Variants in MRTFA observed in about 807,000 individuals in gnomAD.
The protein encoded by MRTFA is myocardin related transcription factor A.
Under a neutral mutation model 83.5 loss-of-function variants are expected in MRTFA, and 20 were observed. That is an observed-to-expected ratio of 0.24 (90% CI 0.17 to 0.35). The LOEUF (loss-of-function observed/expected upper bound fraction) is 0.35, where lower values mean the gene tolerates loss of function less well. MRTFA is among the 10% of genes least tolerant of loss of function. MRTFA has a pLI of 1.00. For missense variants in MRTFA, 1,200 were observed against 1,224.7 expected (o/e 0.98, Z 0.30); for synonymous variants, 659 against 541.2 (o/e 1.22, Z -3.02).
chr22:40,411,612 C>CG lies in MRTFA; in HGVS notation c.2873dup (p.Ser959ValfsTer13). 1.9e-6 allele frequency: 3 copies of CG among 1,613,596 alleles called. No individual in the cohort carries two copies. Among genetic ancestry groups the CG allele is most frequent in the Non-Finnish European group, 2.5e-6 (3 of 1,179,964 alleles). ...GCAATTCCGAGGTGTCCATGGGTGACGGGGGGTGGTCCAGGATGGCAGTGC... is the reference window on the plus strand; with the variant it reads ...GCAATTCCGAGGTGTCCATGGGTGACGGGGGGGTGGTCCAGGATGGCAGTGC... On this transcript the variant is annotated frameshift_variant, in exon 15 of 15. Transcript: ENST00000355630. LOFTEE classifies it high-confidence loss of function.
At chr22:40,539,794 G>A (rs2055257277) in intron 3 of MRTFA, among the ~76,000 whole-genome samples, 1 of 151,518 alleles carries the variant, frequency 6.6e-6, no homozygotes, top group Non-Finnish European at 1.5e-5. Context: ...GAGCCACCGC[G>A]CCCAGCCGAC....
At chr22:40,528,669 G>A (rs1370952202) in intron 3 of MRTFA, among the ~76,000 whole-genome samples, 4 of 151,446 alleles carry the variant, frequency 2.6e-5, no homozygotes, top group Non-Finnish European at 5.9e-5. Context: ...CTCGGGAGGT[G>A]GAGGCTGCGG....
At chr22:40,490,783 T>C (rs2054260192) in intron 3 of MRTFA, among the ~76,000 whole-genome samples, 1 of 152,144 alleles carries the variant, frequency 6.6e-6, no homozygotes. Flanking sequence ...GTCTAAGTGT[T>C]TAGAAAAGTA....
intron 3 of MRTFA, among the ~76,000 whole-genome samples, chr22:40,538,990 G>T (rs5757995): frequency 0.76 from 91,857 of 121,150 alleles, 35,279 homozygotes; most frequent in East Asian, 0.89. Context: ...ACAGCCTTTT[G>T]TTTTTTTTTT....
intron 2 of MRTFA, among the ~76,000 whole-genome samples, chr22:40,566,316 G>A (rs573800149): frequency 6.6e-6 from 1 of 151,950 alleles, no homozygotes; most frequent in Non-Finnish European, 1.5e-5. Context: ...CACCTCTTGG[G>A]TTCAAGCAAT....
intron 2 of MRTFA, among the ~76,000 whole-genome samples, chr22:40,559,412 G>A (rs542559515): frequency 3.5e-4 from 53 of 152,134 alleles, no homozygotes; most frequent in African/African-American, 1.3e-3. Context: ...GTGTTTCTTA[G>A]AACACATACT....
At chr22:40,541,225 A>T (rs1368632022) in intron 3 of MRTFA, among the ~76,000 whole-genome samples, 2 of 152,176 alleles carry the variant, frequency 1.3e-5, no homozygotes, top group Non-Finnish European at 2.9e-5. Context: ...CACTAATATC[A>T]ATTTCCATAA....
chr22:40,599,016 A>AAAC (rs1046246469), intron 1 of MRTFA, among the ~76,000 whole-genome samples: 1 of 141,592 alleles, frequency 7.1e-6, no homozygotes, highest in Non-Finnish European at 1.5e-5. Flanking sequence ...AAAAAAAAAA[A>AAAC]CCTGGGCGTG....
At chr22:40,554,040 C>T (rs1200267435) in intron 2 of MRTFA, among the ~76,000 whole-genome samples, 2 of 152,244 alleles carry the variant, frequency 1.3e-5, no homozygotes, top group East Asian at 1.9e-4. Context: ...GGCCTGTAGC[C>T]CCTTTGTTTT....
chr22:40,418,857 C>T lies in MRTFA; in HGVS notation c.1881G>A (p.Leu627=). 1 of 1,612,400 alleles carries T rather than the reference C, an allele frequency of 6.2e-7. No homozygotes were observed. Residue 627 remains leucine, a synonymous_variant, in exon 12 of 15, where the codon CTG becomes CTA. Transcript: ENST00000355630. Reference sequence around the variant, plus strand: ...CCTCGATCTGCTTGTCTTTCTCCTGCAGCATCTGGTCCTTGTCGCGCCCCT... The same window carrying T: ...CCTCGATCTGCTTGTCTTTCTCCTGTAGCATCTGGTCCTTGTCGCGCCCCT...
intron 1 of MRTFA, among the ~76,000 whole-genome samples, chr22:40,616,436 G>A (rs575370011): frequency 3.9e-5 from 6 of 152,330 alleles, no homozygotes; most frequent in East Asian, 1.9e-4. Flanking sequence ...GAGAATGACG[G>A]ACGGAAGAAA....
rs1285425857 is a variant in MRTFA, at chr22:40,418,794, C to T, written c.1944G>A (p.Val648=). The T allele has an allele frequency of 6.3e-7, 1 of 1,598,194 alleles. No homozygotes were observed. The highest frequency in any genetic ancestry group is 8.5e-7 in the Non-Finnish European group (1 of 1,175,536). ...GCTCCAGCTGCAGCTTGAGCCGCTC[C>T]ACCAGCTGCTGCTTCTGCCGGAGCA... is the stretch of plus-strand genomic sequence containing the variant. The change falls in exon 12 of 15, where the codon GTG becomes GTA. Residue 648 remains valine (V), a synonymous_variant. Transcript: ENST00000355630.
intron 3 of MRTFA, among the ~76,000 whole-genome samples, chr22:40,492,304 G>A (rs976144258): frequency 2.6e-5 from 4 of 152,234 alleles, no homozygotes; most frequent in African/African-American, 9.6e-5. Context: ...AGTTTACTTA[G>A]GGAGTGGGGC....
chr22:40,511,270 TACA>T (rs1457492338), intron 3 of MRTFA, among the ~76,000 whole-genome samples: 2 of 152,026 alleles, frequency 1.3e-5, no homozygotes, highest in African/African-American at 4.8e-5. Context: ...ATATGACAAG[TACA>T]ACAAGAAAGG....
At chr22:40,506,456 C>G (rs928230257) in intron 3 of MRTFA, among the ~76,000 whole-genome samples, 1 of 152,254 alleles carries the variant, frequency 6.6e-6, no homozygotes, top group Non-Finnish European at 1.5e-5. Flanking sequence ...CAGTTTTATG[C>G]AATATTTACA....
At chr22:40,445,480 C>T (rs1428039049) in intron 4 of MRTFA, among the ~76,000 whole-genome samples, 4 of 152,158 alleles carry the variant, frequency 2.6e-5, no homozygotes. Context: ...CAATTGCCTC[C>T]AAAATGTTCT....
At chr22:40,499,570 A>G (rs2054420672) in intron 3 of MRTFA, among the ~76,000 whole-genome samples, 2 of 152,234 alleles carry the variant, frequency 1.3e-5, no homozygotes, top group South Asian at 4.1e-4. Context: ...AACTTTTTTA[A>G]AATTTTAATA....
At chr22:40,603,377 G>C (rs1256555708) in intron 1 of MRTFA, among the ~76,000 whole-genome samples, 2 of 152,142 alleles carry the variant, frequency 1.3e-5, no homozygotes, top group African/African-American at 4.8e-5. Flanking sequence ...TCTCCAAATG[G>C]AAAAACTTAT....
At position 40,459,822 on chromosome 22, in the gene MRTFA, C is replaced by CACATATACATAT. The variant is rs1308675939; in HGVS notation, c.307+3398_307+3399insATATGTATATGT. Among the ~76,000 whole-genome samples, 69 of 68,238 alleles carry CACATATACATAT rather than the reference C, an allele frequency of 1.0e-3. No homozygotes were observed. The Middle Eastern group carries it at 0.019, about 19-fold the overall frequency. 44.8% of individuals were successfully genotyped at this position (68,238 alleles called of 152,430 possible). On this transcript the variant is annotated intron_variant, in intron 4 of 14. Transcript: ENST00000355630. ...ACACACACACACACACACACACACA[C>CACATATACATAT]ATATATACATATATATATATATATA... is the stretch of plus-strand genomic sequence containing the variant.
Sources: allele counts gnomAD v4.1 joint callset (sites outside exome capture counted in the v4.1 genomes callset), GRCh38; gene constraint gnomAD v4.1.1; transcripts MANE v1.5; gene names NCBI Gene and HGNC (gene_info 2026-07-23, HGNC 2026-07-21).